Variants in STAG1 observed in about 807,000 individuals in gnomAD.
STAG1 encodes the protein STAG1 cohesin complex component.
In STAG1, 26 loss-of-function variants were observed where a neutral mutation model predicts 170.9. The ratio of observed to expected loss-of-function variants is 0.15; its 90% confidence interval spans 0.11 to 0.21. The LOEUF (loss-of-function observed/expected upper bound fraction) is 0.21. STAG1 is among the 10% of genes least tolerant of loss of function. STAG1 has a pLI of 1.00. For missense variants in STAG1, 964 were observed against 1,509.5 expected, an observed-to-expected ratio of 0.64 and a Z score of 5.99; for synonymous variants, 514 against 497.7, an observed-to-expected ratio of 1.03 and a Z score of -0.44.
At chr3:136,362,605 C>CAAAAAAAAAAAAAAAAAAAAA (rs1237413699) in intron 26 of STAG1, among the ~76,000 whole-genome samples, 1 of 42,442 alleles carries the variant, frequency 2.4e-5, no homozygotes, top group African/African-American at 8.8e-5. Flanking sequence ...ATCATCTCTG[C>CAAAAAAAAAAAAAAAAAAAAA]AAAAAAAAAA....
intron 1 of STAG1, among the ~76,000 whole-genome samples, chr3:136,739,931 C>T (rs908772648): frequency 2.0e-5 from 3 of 152,054 alleles, no homozygotes; most frequent in African/African-American, 4.8e-5. Flanking sequence ...AACCTTATGA[C>T]GCCAACAATA....
Position 136,565,011 on chromosome 3 carries a change from A to AAGGCAGGCAGGCAGGCAGGCAGGCAGGC in STAG1, c.394+3726_394+3753dup, listed in dbSNP as rs1553746573. The stretch of plus-strand genomic sequence containing the variant: ...GAAGGAAGGAAGGAAGGAAGGAAGG[A>AAGGCAGGCAGGCAGGCAGGCAGGCAGGC]AGGCAGGCAGGCAGGCAGGCAGGCA... On this transcript the variant is annotated intron_variant, in intron 5 of 33. Transcript: ENST00000383202. 4.4e-5 allele frequency among the ~76,000 whole-genome samples: 2 copies of AAGGCAGGCAGGCAGGCAGGCAGGCAGGC among 45,422 alleles called. 1 individual carries two copies. Among genetic ancestry groups the AAGGCAGGCAGGCAGGCAGGCAGGCAGGC allele is most frequent in the African/African-American group, 2.5e-4 (2 of 7,958 alleles). The allele number at this position is 45,422 out of a possible 152,430, so 29.8% of individuals were successfully genotyped here. A position where few individuals can be genotyped will look rare whatever the true frequency, so the allele number is the denominator to read the frequency against.
intron 23 of STAG1, among the ~76,000 whole-genome samples, chr3:136,374,330 T>A (rs199961835): frequency 1.4e-5 from 2 of 138,158 alleles, no homozygotes; most frequent in African/African-American, 2.7e-5. Flanking sequence ...AAGAAAAAAA[T>A]ATTTTGGCCA....
Position 136,393,125 on chromosome 3 carries a change from ATTACT to A in STAG1, c.2277+5619_2277+5623del, listed in dbSNP as rs545259087. Among the ~76,000 whole-genome samples, 1,185 of 152,306 alleles carry A rather than the reference ATTACT, an allele frequency of 7.8e-3. 16 individuals are homozygous for A. The highest frequency in any genetic ancestry group is 0.026 in the African/African-American group (1,097 of 41,558). Reference sequence around the variant, plus strand: ...CATTTTCTCAACAAAATAATACAAAATTACTTTACGTAACAAACTTTCAGCTTGCT... The same window carrying A: ...CATTTTCTCAACAAAATAATACAAAATTACGTAACAAACTTTCAGCTTGCT... On this transcript the variant is annotated intron_variant, in intron 22 of 33. Transcript: ENST00000383202.
chr3:136,400,585 G>A lies in STAG1; in HGVS notation c.2197-1756C>T, dbSNP rs1470614025. Among the ~76,000 whole-genome samples, 4 of 150,802 alleles carry A rather than the reference G, an allele frequency of 2.7e-5. No homozygotes were observed. The East Asian group carries it at 7.8e-4, about 30-fold the overall frequency. ...AAGTCTCGCTTTGTTGCCCAGGCGGGAGTGCAATGGCACTGTCTCGGCTCA... is the reference window on the plus strand; with the variant it reads ...AAGTCTCGCTTTGTTGCCCAGGCGGAAGTGCAATGGCACTGTCTCGGCTCA... On this transcript the variant is annotated intron_variant, in intron 21 of 33. Coordinates refer to ENST00000383202, the MANE Select transcript of STAG1 (RefSeq NM_005862.3).
At chr3:136,515,960 T>C (rs933524381) in intron 7 of STAG1, among the ~76,000 whole-genome samples, 64 of 151,844 alleles carry the variant, frequency 4.2e-4, no homozygotes, top group Non-Finnish European at 1.0e-4. Context: ...AAAAGTAAAG[T>C]AAGACAAAGT....
At chr3:136,472,714 C>T (rs1045825648) in intron 11 of STAG1, among the ~76,000 whole-genome samples, 3 of 152,230 alleles carry the variant, frequency 2.0e-5, no homozygotes, top group African/African-American at 7.2e-5. Context: ...TTCCCTAAAC[C>T]TTGTGTCAAG....
At chr3:136,634,220 C>T (rs1453857922) in intron 1 of STAG1, among the ~76,000 whole-genome samples, 1 of 151,714 alleles carries the variant, frequency 6.6e-6, no homozygotes, top group Non-Finnish European at 1.5e-5. Context: ...GGCGTGGTGG[C>T]ACACACCTGT....
chr3:136,590,550 G>T (rs978580117), intron 4 of STAG1, among the ~76,000 whole-genome samples: 1 of 151,576 alleles, frequency 6.6e-6, no homozygotes. Flanking sequence ...GAGAAATGCA[G>T]CTTATATTTA....
intron 4 of STAG1, among the ~76,000 whole-genome samples, chr3:136,592,775 A>G (rs1172194690): frequency 1.3e-5 from 2 of 152,222 alleles, no homozygotes; most frequent in Non-Finnish European, 2.9e-5. Context: ...ACACAACTGC[A>G]TTCTGGGGCT....
intron 1 of STAG1, among the ~76,000 whole-genome samples, chr3:136,645,383 A>C (rs990568508): frequency 1.3e-5 from 2 of 152,100 alleles, no homozygotes; most frequent in Non-Finnish European, 2.9e-5. Context: ...TCCATGCTCT[A>C]TTCTAGGTTA....
chr3:136,366,844 G>T (rs559561573), intron 25 of STAG1, 99 bp downstream of exon 25: 2 of 952,688 alleles, frequency 2.1e-6, no homozygotes, highest in East Asian at 2.5e-5. Flanking sequence ...ACATTACATA[G>T]GTGAAAAGCT....
intron 5 of STAG1, among the ~76,000 whole-genome samples, chr3:136,551,443 T>TTTTTTTG (rs1936398789): frequency 2.7e-5 from 4 of 148,968 alleles, no homozygotes; most frequent in Admixed American, 1.3e-4. Flanking sequence ...TTTTTTTTTT[T>TTTTTTTG]GGCAGGGGGA....
chr3:136,580,916 CTACTT>C (rs1296564491), intron 4 of STAG1, among the ~76,000 whole-genome samples: 4 of 151,762 alleles, frequency 2.6e-5, no homozygotes, highest in Admixed American at 1.3e-4. Flanking sequence ...CATCTAGACT[CTACTT>C]TGGTATATGG....
chr3:136,654,786 C>G (rs1941323115), intron 1 of STAG1, among the ~76,000 whole-genome samples: 1 of 152,112 alleles, frequency 6.6e-6, no homozygotes, highest in Non-Finnish European at 1.5e-5. Context: ...AACTGTGTGG[C>G]ACTGCCATAC....
At chr3:136,531,014 A>T (rs1186187122) in intron 6 of STAG1, among the ~76,000 whole-genome samples, 1 of 152,186 alleles carries the variant, frequency 6.6e-6, no homozygotes, top group Non-Finnish European at 1.5e-5. Context: ...CAGAGGCAGG[A>T]GAATCACCTG....
chr3:136,663,466 T>G (rs1044484643), intron 1 of STAG1, among the ~76,000 whole-genome samples: 6 of 152,198 alleles, frequency 3.9e-5, no homozygotes, highest in African/African-American at 1.4e-4. Context: ...CAGAGATAGA[T>G]TCACTCTTAA....
At chr3:136,685,929 T>C (rs939172969) in intron 1 of STAG1, among the ~76,000 whole-genome samples, 7 of 147,282 alleles carry the variant, frequency 4.8e-5, no homozygotes, top group South Asian at 2.2e-4. Context: ...ATAAAGAAGA[T>C]TGGGGTTTAA....
At chr3:136,674,249 A>T (rs1026227564) in intron 1 of STAG1, among the ~76,000 whole-genome samples, 2 of 151,958 alleles carry the variant, frequency 1.3e-5, no homozygotes, top group Non-Finnish European at 2.9e-5. Context: ...AACAACCCAA[A>T]TGTCCAAAAA....
Sources: allele counts gnomAD v4.1 joint callset (sites outside exome capture counted in the v4.1 genomes callset), GRCh38; gene constraint gnomAD v4.1.1; transcripts MANE v1.5; gene names NCBI Gene and HGNC (gene_info 2026-07-23, HGNC 2026-07-21).